Variants in KCNQ1OT1 observed in about 807,000 individuals in gnomAD.
KCNQ1OT1 encodes the protein KCNQ1 opposite strand/antisense transcript 1.
rs1850124200 is a variant in KCNQ1OT1, at chr11:2,668,523, A to C, written n.31472T>G. 2 of 398,466 alleles carry C rather than the reference A, an allele frequency of 5.0e-6. No individual in the cohort carries two copies. The highest frequency in any genetic ancestry group is 2.5e-4 in the South Asian group (2 of 7,860). 24.7% of individuals were successfully genotyped at this position (398,466 alleles called of 1,614,324 possible). A position where few individuals can be genotyped will look rare whatever the true frequency, so the allele number is the denominator to read the frequency against. On this transcript the variant is annotated non_coding_transcript_exon_variant, in exon 1 of 1. Transcript: ENST00000597346. This position sits in a 1 kb window ranked among gnomAD's most constrained non-coding sequence, Gnocchi z 4.3. ...CTAGCAGCATCAAATGGTGATTTTA[A>C]TTTGCAGTAACCTGTTGACTAATGA...
Position 2,621,489 on chromosome 11 carries a change from C to G in KCNQ1OT1, n.78506G>C. Reference sequence around the variant, plus strand: ...GTTTGCAAATATTTTTTCTCCCATTCTATATGTTGTCTGTTTACTCTGTTG... The same window carrying G: ...GTTTGCAAATATTTTTTCTCCCATTGTATATGTTGTCTGTTTACTCTGTTG... On this transcript the variant is annotated non_coding_transcript_exon_variant, in exon 1 of 1. Transcript: ENST00000597346. The surrounding 1 kb of genome is among the most constrained non-coding windows in gnomAD (Gnocchi z 5.7). The G allele has an allele frequency of 2.5e-6, 1 of 398,518 alleles. No individual in the cohort carries two copies. The allele number at this position is 398,518 out of a possible 1,614,324, so 24.7% of individuals were successfully genotyped here.
In KCNQ1OT1 at chr11:2,669,816, A is replaced by C. The variant is rs1212418735; in HGVS notation, n.30179T>G. The C allele has an allele frequency of 2.5e-6, 1 of 398,468 alleles. No homozygotes were observed. The highest frequency in any genetic ancestry group is 4.4e-6 in the Non-Finnish European group (1 of 226,066). The allele number at this position is 398,468 out of a possible 1,614,324, so 24.7% of individuals were successfully genotyped here. A position where few individuals can be genotyped will look rare whatever the true frequency, so the allele number is the denominator to read the frequency against. On this transcript the variant is annotated non_coding_transcript_exon_variant, in exon 1 of 1. Transcript: ENST00000597346. The surrounding 1 kb of genome is among the most constrained non-coding windows in gnomAD (Gnocchi z 5.6). ...CTTATTTGGCCTGAGAGCTTTTGAG[A>C]CTGCCAGGTCATGAGTTACCATGGG...
At position 2,659,728 on chromosome 11, in the gene KCNQ1OT1, T is replaced by C. The variant is rs75589036; in HGVS notation, n.40267A>G. 0.013 allele frequency: 5,123 copies of C among 398,534 alleles called. 158 individuals are homozygous for C. The highest frequency in any genetic ancestry group is 0.08 in the East Asian group (2,231 of 28,044). 24.7% of individuals were successfully genotyped at this position (398,534 alleles called of 1,614,324 possible). On this transcript the variant is annotated non_coding_transcript_exon_variant, in exon 1 of 1. Transcript: ENST00000597346. This position sits in a 1 kb window ranked among gnomAD's most constrained non-coding sequence, Gnocchi z 4.3. Reference sequence around the variant, plus strand: ...CATTCCCACCAGTAACATATGAGAGTTCTACATGTTCCACATCCTCAAGAG... The same window carrying C: ...CATTCCCACCAGTAACATATGAGAGCTCTACATGTTCCACATCCTCAAGAG...
Position 2,690,728 on chromosome 11 carries a change from G to A in KCNQ1OT1, n.9267C>T. The A allele has an allele frequency of 2.5e-6, 1 of 398,656 alleles. No homozygotes were observed. The highest frequency in any genetic ancestry group is 4.4e-6 in the Non-Finnish European group (1 of 226,074). 24.7% of individuals were successfully genotyped at this position (398,656 alleles called of 1,614,324 possible). ...GGCTTTCCATTTGATCCCAGTGGTT[G>A]AAGATGGAGTATGATCCCAAATCCC... On this transcript the variant is annotated non_coding_transcript_exon_variant, in exon 1 of 1. Coordinates refer to ENST00000597346, the Ensembl canonical transcript of KCNQ1OT1. The surrounding 1 kb of genome is among the most constrained non-coding windows in gnomAD (Gnocchi z 5.1).
rs1849776689 is a variant in KCNQ1OT1 at position 2,652,741 on chromosome 11, T to C, written n.47254A>G. ...GCTCACTCACGCTCAGGGTTGACCC[T>C]GTCCTGGCTCTGTCACTGCCTGTCT... On this transcript the variant is annotated non_coding_transcript_exon_variant, in exon 1 of 1. Coordinates refer to ENST00000597346, the Ensembl canonical transcript of KCNQ1OT1. This position sits in a 1 kb window ranked among gnomAD's most constrained non-coding sequence, Gnocchi z 5.9. The C allele has an allele frequency of 2.5e-6, 1 of 398,916 alleles. No individual in the cohort carries two copies. Among genetic ancestry groups the C allele is most frequent in the East Asian group, 3.6e-5 (1 of 28,080 alleles). The allele number at this position is 398,916 out of a possible 1,614,324, so 24.7% of individuals were successfully genotyped here.
chr11:2,646,549 A>G (rs12280663), exon 1 of KCNQ1OT1: 8 of 398,532 alleles, frequency 2.0e-5, no homozygotes, highest in Non-Finnish European at 3.1e-5. Flanking sequence ...GAGTGCAGAC[A>G]GGGTCTCACT....
rs1849598537 is a variant in KCNQ1OT1, at chr11:2,642,691, T to G, written n.57304A>C. On this transcript the variant is annotated non_coding_transcript_exon_variant, in exon 1 of 1. Coordinates refer to ENST00000597346, the Ensembl canonical transcript of KCNQ1OT1. This position sits in a 1 kb window ranked among gnomAD's most constrained non-coding sequence, Gnocchi z 4.3. Reference sequence around the variant, plus strand: ...GCTCTGATCTTCGTTATTTCTTTCCTTCTACTAATTTTATGTTTAGTATGG... The same window carrying G: ...GCTCTGATCTTCGTTATTTCTTTCCGTCTACTAATTTTATGTTTAGTATGG... The G allele has an allele frequency of 2.5e-6, 1 of 397,968 alleles. No individual in the cohort carries two copies. Among genetic ancestry groups the G allele is most frequent in the Non-Finnish European group, 4.4e-6 (1 of 225,708 alleles). The allele number at this position is 397,968 out of a possible 1,614,324, so 24.7% of individuals were successfully genotyped here.
Position 2,626,645 on chromosome 11 carries a change from C to T in KCNQ1OT1, n.73350G>A, listed in dbSNP as rs748224327. The stretch of plus-strand genomic sequence containing the variant: ...CCAGGCTCAAGCAATCCTCCCACCT[C>T]GGCTTCTTGAGTAGCTGGGAATAGA... On this transcript the variant is annotated non_coding_transcript_exon_variant, in exon 1 of 1. Transcript: ENST00000597346. This position sits in a 1 kb window ranked among gnomAD's most constrained non-coding sequence, Gnocchi z 4.0. 2.0e-5 allele frequency: 8 copies of T among 398,528 alleles called. No homozygotes were observed. Among genetic ancestry groups the T allele is most frequent in the East Asian group, 3.6e-5 (1 of 28,096 alleles). 24.7% of individuals were successfully genotyped at this position (398,528 alleles called of 1,614,324 possible). A position where few individuals can be genotyped will look rare whatever the true frequency, so the allele number is the denominator to read the frequency against.
Position 2,652,179 on chromosome 11 carries a change from G to A in KCNQ1OT1, n.47816C>T, listed in dbSNP as rs1408988718. The A allele has an allele frequency of 7.5e-6, 3 of 398,558 alleles. No homozygotes were observed. The highest frequency in any genetic ancestry group is 4.1e-5 in the African/African-American group (2 of 48,634). 24.7% of individuals were successfully genotyped at this position (398,558 alleles called of 1,614,324 possible). A position where few individuals can be genotyped will look rare whatever the true frequency, so the allele number is the denominator to read the frequency against. ...CTCGGGGCCTGGGGGTGGGGCCCCA[G>A]CAGATGTCTGGATTTGGTAGCCAGG... On this transcript the variant is annotated non_coding_transcript_exon_variant, in exon 1 of 1. Coordinates refer to ENST00000597346, the Ensembl canonical transcript of KCNQ1OT1. The surrounding 1 kb of genome is among the most constrained non-coding windows in gnomAD (Gnocchi z 5.9).
Position 2,683,937 on chromosome 11 carries a change from A to T in KCNQ1OT1, n.16058T>A. 2 of 396,284 alleles carry T rather than the reference A, an allele frequency of 5.0e-6. No individual in the cohort carries two copies. The highest frequency in any genetic ancestry group is 8.9e-6 in the Non-Finnish European group (2 of 225,824). 24.5% of individuals were successfully genotyped at this position (396,284 alleles called of 1,614,324 possible). On this transcript the variant is annotated non_coding_transcript_exon_variant, in exon 1 of 1. Coordinates refer to ENST00000597346, the Ensembl canonical transcript of KCNQ1OT1. The surrounding 1 kb of genome is among the most constrained non-coding windows in gnomAD (Gnocchi z 4.7). ...GCTCTGTGACACGTTTCATAGTCAG[A>T]CAAAACCAGCTGACTGCTTTTACTT...
rs145283993 is a variant in KCNQ1OT1 at position 2,612,914 on chromosome 11, G to C, written n.87081C>G. The stretch of plus-strand genomic sequence containing the variant: ...CTGTTACTCATTTATTTGTTTGCTC[G>C]CTTGTGTATGCCTTCTCTGCATGGA... On this transcript the variant is annotated non_coding_transcript_exon_variant, in exon 1 of 1. Coordinates refer to ENST00000597346, the Ensembl canonical transcript of KCNQ1OT1. This position sits in a 1 kb window ranked among gnomAD's most constrained non-coding sequence, Gnocchi z 5.5. 2.5e-6 allele frequency: 1 copy of C among 398,410 alleles called. No homozygotes were observed. The highest frequency in any genetic ancestry group is 4.4e-6 in the Non-Finnish European group (1 of 226,028). The allele number at this position is 398,410 out of a possible 1,614,324, so 24.7% of individuals were successfully genotyped here.
chr11:2,673,062 T>C lies in KCNQ1OT1; in HGVS notation n.26933A>G, dbSNP rs1850215588. 2.5e-6 allele frequency: 1 copy of C among 398,634 alleles called. No homozygotes were observed. Among genetic ancestry groups the C allele is most frequent in the African/African-American group, 2.1e-5 (1 of 48,610 alleles). The allele number at this position is 398,634 out of a possible 1,614,324, so 24.7% of individuals were successfully genotyped here. A position where few individuals can be genotyped will look rare whatever the true frequency, so the allele number is the denominator to read the frequency against. ...GGGCTGGCCAAAAGGGACAGTGAAG[T>C]TGGCTTCTCAGGCCACAGTAGGCCT... On this transcript the variant is annotated non_coding_transcript_exon_variant, in exon 1 of 1. Transcript: ENST00000597346. This position sits in a 1 kb window ranked among gnomAD's most constrained non-coding sequence, Gnocchi z 4.5.
Position 2,632,141 on chromosome 11 carries a change from C to G in KCNQ1OT1, n.67854G>C, listed in dbSNP as rs1849365524. On this transcript the variant is annotated non_coding_transcript_exon_variant, in exon 1 of 1. Transcript: ENST00000597346. ...GAGCTTGCAGTGAGCCGAGATCGCG[C>G]CACTACACTCTAGCCTGGGCGACAG... 4 of 392,948 alleles carry G rather than the reference C, an allele frequency of 1.0e-5. No individual in the cohort carries two copies. The Admixed American group carries it at 1.8e-4, about 18-fold the overall frequency. The allele number at this position is 392,948 out of a possible 1,614,324, so 24.3% of individuals were successfully genotyped here.
In KCNQ1OT1 at chr11:2,691,565, C is replaced by A. The variant is rs909321236; in HGVS notation, n.8430G>T. 2 of 398,452 alleles carry A rather than the reference C, an allele frequency of 5.0e-6. No homozygotes were observed. The highest frequency in any genetic ancestry group is 2.1e-5 in the African/African-American group (1 of 48,582). 24.7% of individuals were successfully genotyped at this position (398,452 alleles called of 1,614,324 possible). On this transcript the variant is annotated non_coding_transcript_exon_variant, in exon 1 of 1. Coordinates refer to ENST00000597346, the Ensembl canonical transcript of KCNQ1OT1. The surrounding 1 kb of genome is among the most constrained non-coding windows in gnomAD (Gnocchi z 6.4). The stretch of plus-strand genomic sequence containing the variant: ...TTCTCTATCCTGAGGTTATGAAATA[C>A]CTCAGCAAGGACGAGGCCTCCCTGA...
rs148674776 is a variant in KCNQ1OT1, at chr11:2,622,351, T to C, written n.77644A>G. 6.6e-3 allele frequency: 2,612 copies of C among 398,322 alleles called. 53 individuals carry two copies. Among genetic ancestry groups the C allele is most frequent in the African/African-American group, 0.046 (2,235 of 48,734 alleles). The allele number at this position is 398,322 out of a possible 1,614,324, so 24.7% of individuals were successfully genotyped here. On this transcript the variant is annotated non_coding_transcript_exon_variant, in exon 1 of 1. Transcript: ENST00000597346. ...TTTAAATTCAAGTTTATTTCTTTTATTAGTATAATTACCTCCAGCTTTCTT... is the reference window on the plus strand; with the variant it reads ...TTTAAATTCAAGTTTATTTCTTTTACTAGTATAATTACCTCCAGCTTTCTT...
At position 2,647,585 on chromosome 11, in the gene KCNQ1OT1, T is replaced by G. The variant is rs1051282640; in HGVS notation, n.52410A>C. 3.0e-5 allele frequency: 12 copies of G among 398,462 alleles called. No homozygotes were observed. Among genetic ancestry groups the G allele is most frequent in the Non-Finnish European group, 5.3e-5 (12 of 226,062 alleles). 24.7% of individuals were successfully genotyped at this position (398,462 alleles called of 1,614,324 possible). A position where few individuals can be genotyped will look rare whatever the true frequency, so the allele number is the denominator to read the frequency against. On this transcript the variant is annotated non_coding_transcript_exon_variant, in exon 1 of 1. Coordinates refer to ENST00000597346, the Ensembl canonical transcript of KCNQ1OT1. The surrounding 1 kb of genome is among the most constrained non-coding windows in gnomAD (Gnocchi z 4.0). ...GTCTGAGAAGAATTCATGTTAGTTC[T>G]TTAAAGGTTTGGTAGAATTCAGTAG... is the stretch of plus-strand genomic sequence containing the variant.
At chr11:2,667,665 A>G in exon 1 of KCNQ1OT1, 1 of 398,570 alleles carries the variant, frequency 2.5e-6, no homozygotes, top group Non-Finnish European at 4.4e-6. Flanking sequence ...TGAACTGCAG[A>G]GCCTCTGGAG....
At chr11:2,660,517 C>A in exon 1 of KCNQ1OT1, 1 of 398,508 alleles carries the variant, frequency 2.5e-6, no homozygotes, top group South Asian at 1.3e-4. Context: ...GAGTTAATGT[C>A]TGTAATGTAT....
At position 2,677,873 on chromosome 11, in the gene KCNQ1OT1, T is replaced by C; in HGVS notation, n.22122A>G. The C allele has an allele frequency of 2.5e-6, 1 of 398,540 alleles. No homozygotes were observed. The highest frequency in any genetic ancestry group is 4.4e-6 in the Non-Finnish European group (1 of 226,030). The allele number at this position is 398,540 out of a possible 1,614,324, so 24.7% of individuals were successfully genotyped here. On this transcript the variant is annotated non_coding_transcript_exon_variant, in exon 1 of 1. Transcript: ENST00000597346. This position sits in a 1 kb window ranked among gnomAD's most constrained non-coding sequence, Gnocchi z 4.5. Reference sequence around the variant, plus strand: ...ATTTACATCACTTTGACTGCACAAATGCACTTTCTTCCCCCACCCTTACCA... The same window carrying C: ...ATTTACATCACTTTGACTGCACAAACGCACTTTCTTCCCCCACCCTTACCA...
Sources: allele counts gnomAD v4.1 joint callset, GRCh38; gene constraint gnomAD v4.1.1; non-coding constraint Gnocchi (gnomAD v3.1); transcripts MANE v1.5; gene names NCBI Gene and HGNC (gene_info 2026-07-23, HGNC 2026-07-21).